RALGAPA2: variants seen among roughly 807,000 people sequenced by gnomAD.
RALGAPA2 encodes the protein Ral GTPase activating protein catalytic subunit alpha 2.
RALGAPA2 carries 139 observed loss-of-function variants against 230.4 expected under a neutral mutation model. That is an observed-to-expected ratio of 0.60 (90% CI 0.53 to 0.69). RALGAPA2 has a LOEUF of 0.69. Ranked by LOEUF, RALGAPA2 falls within the 30% of genes least tolerant of loss-of-function variation. The pLI is 0.00. For missense variants in RALGAPA2, 2,163 were observed against 2,276.0 expected (o/e 0.95, Z 1.01); for synonymous variants, 847 against 837.8 (o/e 1.01, Z -0.19).
At chr20:20,655,635 T>C (rs2146628688) in intron 3 of RALGAPA2, among the ~76,000 whole-genome samples, 1 of 152,170 alleles carries the variant, frequency 6.6e-6, no homozygotes, top group African/African-American at 2.4e-5. Flanking sequence ...GCTGGGGGCT[T>C]AATGTCCTCA....
chr20:20,398,304 G>A lies in RALGAPA2; in HGVS notation c.5618-1570C>T, dbSNP rs1319627676. Among the ~76,000 whole-genome samples the A allele has an allele frequency of 6.6e-6, 1 of 152,224 alleles. No homozygotes were observed. Among genetic ancestry groups the A allele is most frequent in the Non-Finnish European group, 1.5e-5 (1 of 68,042 alleles). The stretch of plus-strand genomic sequence containing the variant: ...CCGATTGGTAGAAACCAAGAAAGCA[G>A]ATGGCGCAGCTAACAATGGAGGACT... On this transcript the variant is annotated intron_variant, in intron 38 of 39. Transcript: ENST00000202677. This position sits in a 1 kb window ranked among gnomAD's most constrained non-coding sequence, Gnocchi z 4.5.
At chr20:20,492,495 TG>T (rs948604367) in intron 36 of RALGAPA2, among the ~76,000 whole-genome samples, 4 of 152,226 alleles carry the variant, frequency 2.6e-5, no homozygotes, top group African/African-American at 9.6e-5. Context: ...ATAAACCTTT[TG>T]AGTACAAAGC....
chr20:20,667,495 G>A (rs1470248796), intron 3 of RALGAPA2, among the ~76,000 whole-genome samples: 2 of 152,212 alleles, frequency 1.3e-5, no homozygotes, highest in African/African-American at 4.8e-5. Flanking sequence ...ACATATAGGC[G>A]TGTAATAAAT....
intron 26 of RALGAPA2, among the ~76,000 whole-genome samples, chr20:20,535,371 C>T (rs1368708177): frequency 2.0e-5 from 3 of 152,186 alleles, no homozygotes; most frequent in Non-Finnish European, 4.4e-5. Context: ...CCAAATGTCT[C>T]CTGGTGTAAA....
intron 24 of RALGAPA2, among the ~76,000 whole-genome samples, chr20:20,546,440 C>T (rs1324460796): frequency 2.6e-5 from 4 of 152,178 alleles, no homozygotes; most frequent in Non-Finnish European, 5.9e-5. Flanking sequence ...AGAGACAAGT[C>T]CTGCTTCTGA....
chr20:20,440,272 C>T (rs1395655751), intron 37 of RALGAPA2, among the ~76,000 whole-genome samples: 1 of 152,014 alleles, frequency 6.6e-6, no homozygotes, highest in Admixed American at 6.6e-5. Flanking sequence ...GGAATTCGGG[C>T]CAAAATAAAG....
intron 3 of RALGAPA2, among the ~76,000 whole-genome samples, chr20:20,673,372 C>G (rs978326769): frequency 6.6e-6 from 1 of 151,794 alleles, no homozygotes; most frequent in Admixed American, 6.6e-5. Context: ...ATTACCAACA[C>G]CACCACCACT....
At chr20:20,505,956 T>A (rs934406213) in intron 33 of RALGAPA2, among the ~76,000 whole-genome samples, 3 of 152,194 alleles carry the variant, frequency 2.0e-5, no homozygotes, top group African/African-American at 7.2e-5. Flanking sequence ...ATATAAATTG[T>A]GAATAGATCT....
At chr20:20,411,277 T>C (rs1172630864) in intron 38 of RALGAPA2, among the ~76,000 whole-genome samples, 1 of 152,212 alleles carries the variant, frequency 6.6e-6, no homozygotes, top group African/African-American at 2.4e-5. Context: ...ATGCAGAAAT[T>C]TACAAGTAAT....
At chr20:20,553,294 A>G (rs1396257836) in intron 23 of RALGAPA2, among the ~76,000 whole-genome samples, 1 of 152,174 alleles carries the variant, frequency 6.6e-6, no homozygotes, top group Non-Finnish European at 1.5e-5. Flanking sequence ...GCTCATACCT[A>G]TAATTCTAGC....
intron 16 of RALGAPA2, among the ~76,000 whole-genome samples, chr20:20,600,426 G>C (rs1336233982): frequency 6.6e-6 from 1 of 152,326 alleles, no homozygotes; most frequent in Middle Eastern, 3.4e-3. Context: ...TCTCCTCAGG[G>C]GAGAGAATGA....
chr20:20,660,531 T>A (rs745438801), intron 3 of RALGAPA2, among the ~76,000 whole-genome samples: 2 of 151,752 alleles, frequency 1.3e-5, no homozygotes, highest in Non-Finnish European at 2.9e-5. Context: ...TGTTTTTTTT[T>A]TTTATTTAAG....
intron 38 of RALGAPA2, among the ~76,000 whole-genome samples, chr20:20,410,070 T>C (rs151236262): frequency 3.9e-4 from 59 of 152,338 alleles, no homozygotes; most frequent in African/African-American, 1.3e-3. Context: ...ACGTTCCTTT[T>C]AGAAGAGTTC....
chr20:20,619,355 G>C lies in RALGAPA2; in HGVS notation c.1461C>G (p.Phe487Leu), dbSNP rs377266152. The change falls in exon 12 of 40, where the codon TTC (phenylalanine) becomes TTG (leucine). Residue 487 changes from phenylalanine (F) to leucine (L), a missense_variant. Coordinates refer to ENST00000202677, the MANE Select transcript of RALGAPA2 (RefSeq NM_020343.4). ...CACACCCTCTGCTCATTGCACTTGT[G>C]AAGGAGTATGTGCGTCCCCAACTGG... ...RSSSWGRTYS[F>L]TSAMSRGCVT... 6.2e-7 allele frequency: 1 copy of C among 1,612,234 alleles called. No individual in the cohort carries two copies. Among genetic ancestry groups the C allele is most frequent in the Admixed American group, 1.7e-5 (1 of 59,978 alleles).
chr20:20,424,803 A>T (rs970365960), intron 37 of RALGAPA2, among the ~76,000 whole-genome samples: 4 of 145,806 alleles, frequency 2.7e-5, no homozygotes, highest in Non-Finnish European at 4.6e-5. Flanking sequence ...AAGTATAATT[A>T]AAAAAAAAAA....
chr20:20,627,254 G>A (rs2066516774), intron 10 of RALGAPA2, among the ~76,000 whole-genome samples: 1 of 152,194 alleles, frequency 6.6e-6, no homozygotes, highest in South Asian at 2.1e-4. Context: ...GTCATAGGAG[G>A]AGAGGGAGAT....
chr20:20,430,496 A>G (rs558646179), intron 37 of RALGAPA2, among the ~76,000 whole-genome samples: 3 of 152,326 alleles, frequency 2.0e-5, no homozygotes, highest in East Asian at 3.9e-4. Context: ...TCAATTAAAA[A>G]CAGAAACACA....
intron 37 of RALGAPA2, among the ~76,000 whole-genome samples, chr20:20,426,488 T>G (rs2060385371): frequency 6.6e-6 from 1 of 152,164 alleles, no homozygotes; most frequent in Non-Finnish European, 1.5e-5. Context: ...AAGCCACCTG[T>G]TTGCTAACGA....
At chr20:20,676,705 T>C (rs2068335560) in intron 2 of RALGAPA2, among the ~76,000 whole-genome samples, 1 of 152,230 alleles carries the variant, frequency 6.6e-6, no homozygotes. Flanking sequence ...CTGCACACTG[T>C]CCTATTGATA....
Sources: gnomAD v4.1 joint callset for allele counts (sites outside exome capture counted in the v4.1 genomes callset) on GRCh38, gnomAD v4.1.1 for gene constraint, Gnocchi (gnomAD v3.1) non-coding constraint, MANE v1.5 for transcripts, NCBI Gene and HGNC (gene_info 2026-07-23, HGNC 2026-07-21) for gene names.